Variants in UST observed in about 807,000 individuals in gnomAD.
UST encodes the protein chondroitin sulfate 2-O-sulfotransferase.
A neutral mutation model predicts 45.6 loss-of-function variants in UST; 21 were observed. The ratio of observed to expected loss-of-function variants is 0.46; its 90% CI spans 0.33 to 0.66. The LOEUF is 0.66. UST is among the 30% of genes least tolerant of loss of function. The probability of loss-of-function intolerance (pLI) is 0.02; values close to 1 mark genes in which losing one functional copy is unlikely to be tolerated. For missense variants in UST, 463 were observed against 512.4 expected, an observed-to-expected ratio of 0.90 and a Z score of 0.93; for synonymous variants, 215 against 200.6, an observed-to-expected ratio of 1.07 and a Z score of -0.61.
At chr6:148,873,289 A>G (rs1778592227) in intron 1 of UST, among the ~76,000 whole-genome samples, 1 of 152,094 alleles carries the variant, frequency 6.6e-6, no homozygotes. Flanking sequence ...AGAAGACAGG[A>G]GGTGGCCAGA....
chr6:149,005,004 A>AT (rs5880823), intron 5 of UST, among the ~76,000 whole-genome samples: 134,667 of 148,470 alleles, frequency 0.91, 61,353 homozygotes, highest in Non-Finnish European at 0.94. Flanking sequence ...CCTCCAGCTG[A>AT]TTTTTTTTTT....
At chr6:149,018,728 A>G (rs141915813) in intron 5 of UST, among the ~76,000 whole-genome samples, 2 of 152,210 alleles carry the variant, frequency 1.3e-5, no homozygotes, top group African/African-American at 4.8e-5. Context: ...TGTTGGATGC[A>G]TGGATACACA....
At chr6:148,810,147 T>G (rs1350201329) in intron 1 of UST, among the ~76,000 whole-genome samples, 1 of 152,208 alleles carries the variant, frequency 6.6e-6, no homozygotes, top group Non-Finnish European at 1.5e-5. Flanking sequence ...ATTAAAACTT[T>G]GGGACTCTGA....
intron 1 of UST, among the ~76,000 whole-genome samples, chr6:148,799,494 T>C (rs1365536963): frequency 6.6e-5 from 10 of 152,182 alleles, no homozygotes. Flanking sequence ...TCCCGGCAAC[T>C]GAGTGGTAAA....
At chr6:148,987,606 T>C (rs1240689463) in intron 5 of UST, among the ~76,000 whole-genome samples, 1 of 152,236 alleles carries the variant, frequency 6.6e-6, no homozygotes, top group Admixed American at 6.5e-5. Context: ...AGAAAAGCTC[T>C]TTAAAATCTT....
intron 3 of UST, among the ~76,000 whole-genome samples, chr6:148,945,986 A>G (rs1226322629): frequency 6.6e-6 from 1 of 152,240 alleles, no homozygotes; most frequent in Non-Finnish European, 1.5e-5. Context: ...TCCTATGCCC[A>G]TGTGCCCTAG....
chr6:148,933,323 A>G (rs938533340), intron 2 of UST, among the ~76,000 whole-genome samples: 37 of 152,206 alleles, frequency 2.4e-4, no homozygotes, highest in Non-Finnish European at 5.9e-5. Context: ...CACTATATAC[A>G]TAACAGATAG....
chr6:148,760,328 G>C (rs915461020), intron 1 of UST, among the ~76,000 whole-genome samples: 2 of 152,246 alleles, frequency 1.3e-5, no homozygotes, highest in African/African-American at 4.8e-5. Context: ...CTGTGTTGTT[G>C]ATGAGGATTT....
intron 1 of UST, among the ~76,000 whole-genome samples, chr6:148,846,368 G>A (rs1347177910): frequency 2.6e-5 from 4 of 151,924 alleles, no homozygotes; most frequent in Admixed American, 6.6e-5. Flanking sequence ...AACACTGCAT[G>A]TTCTCACTCA....
intron 2 of UST, among the ~76,000 whole-genome samples, chr6:148,924,816 G>A (rs1332575154): frequency 6.6e-6 from 1 of 152,156 alleles, no homozygotes; most frequent in African/African-American, 2.4e-5. Context: ...TCTCAGCCAG[G>A]CTGCATGAAT....
At chr6:149,040,971 G>T (rs1311922172) in intron 7 of UST, among the ~76,000 whole-genome samples, 1 of 152,160 alleles carries the variant, frequency 6.6e-6, no homozygotes, top group Non-Finnish European at 1.5e-5. Flanking sequence ...GTGAGATACA[G>T]CCTGTGCATC....
intron 1 of UST, among the ~76,000 whole-genome samples, chr6:148,781,394 A>C (rs1776641921): frequency 6.6e-6 from 1 of 152,174 alleles, no homozygotes; most frequent in Non-Finnish European, 1.5e-5. Context: ...GCAAGGTCCT[A>C]ACTCTCTTCA....
chr6:148,831,041 A>ATTCTTT, intron 1 of UST, among the ~76,000 whole-genome samples: 1 of 149,786 alleles, frequency 6.7e-6, no homozygotes, highest in Non-Finnish European at 1.5e-5. Context: ...GAAAATTAAA[A>ATTCTTT]GAAAGATGAA....
chr6:148,756,139 G>A (rs1202006387), intron 1 of UST, among the ~76,000 whole-genome samples: 1 of 151,782 alleles, frequency 6.6e-6, no homozygotes. Context: ...AGTTTGCTGA[G>A]AATAATGGTT....
At chr6:148,994,250 G>A (rs1047654706) in intron 5 of UST, among the ~76,000 whole-genome samples, 1 of 152,070 alleles carries the variant, frequency 6.6e-6, no homozygotes, top group African/African-American at 2.4e-5. Context: ...GGGATTACAG[G>A]TGTGAGCCAC....
intron 7 of UST, among the ~76,000 whole-genome samples, chr6:149,029,866 T>TTGTGTGTG (rs3074362): frequency 1.6e-3 from 230 of 140,796 alleles, no homozygotes; most frequent in Admixed American, 4.4e-3. Flanking sequence ...GCACTGGATC[T>TTGTGTGTG]TGTGTGTGTG....
intron 5 of UST, among the ~76,000 whole-genome samples, chr6:148,976,368 C>T (rs532507493): frequency 1.3e-5 from 2 of 152,308 alleles, no homozygotes; most frequent in Admixed American, 1.3e-4. Flanking sequence ...TCACTGAATA[C>T]AGCAGAGTTA....
At chr6:148,768,157 C>G (rs1242763834) in intron 1 of UST, among the ~76,000 whole-genome samples, 1 of 152,130 alleles carries the variant, frequency 6.6e-6, no homozygotes, top group Non-Finnish European at 1.5e-5. Flanking sequence ...ACACTGGATG[C>G]AATCTTTTAA....
At chr6:148,760,389 G>T (rs1012289791) in intron 1 of UST, among the ~76,000 whole-genome samples, 11 of 152,176 alleles carry the variant, frequency 7.2e-5, no homozygotes, top group African/African-American at 2.7e-4. Context: ...TTCACTGTGG[G>T]CAGCTCCAGT....
Sources: allele counts gnomAD v4.1 joint callset (sites outside exome capture counted in the v4.1 genomes callset), GRCh38; gene constraint gnomAD v4.1.1; transcripts MANE v1.5; gene names NCBI Gene and HGNC (gene_info 2026-07-23, HGNC 2026-07-21).